Variants in PPP1R13B observed in about 807,000 individuals in gnomAD.
PPP1R13B encodes protein phosphatase 1 regulatory subunit 13B.
A neutral mutation model predicts 119.8 loss-of-function variants in PPP1R13B; 44 were observed. The observed-to-expected ratio is 0.37, with a 90% CI of 0.29 to 0.47. The LOEUF (loss-of-function observed/expected upper bound fraction) is 0.47, where lower values mean the gene tolerates loss of function less well. Ranked by LOEUF, PPP1R13B falls within the 20% of genes least tolerant of loss-of-function variation. PPP1R13B has a pLI of 0.99. For missense variants in PPP1R13B, 1,227 were observed against 1,413.5 expected, an observed-to-expected ratio of 0.87 and a Z score of 2.12; for synonymous variants, 542 against 561.5, an observed-to-expected ratio of 0.97 and a Z score of 0.49.
rs1223555062 is a variant in PPP1R13B at position 103,740,256 on chromosome 14, G to A, written c.2160C>T (p.Pro720=). 4 of 1,604,028 alleles carry A rather than the reference G, an allele frequency of 2.5e-6. No individual in the cohort carries two copies. Among genetic ancestry groups the A allele is most frequent in the Non-Finnish European group, 3.4e-6 (4 of 1,174,390 alleles). Residue 720 remains proline (P), a synonymous_variant, in exon 12 of 17, where the codon CCC becomes CCT. Transcript: ENST00000202556. This position sits in a 1 kb window ranked among gnomAD's most constrained non-coding sequence, Gnocchi z 4.6. ...SITEPEGPGG[P]NIQKLLYQRF... ...GCTGGTACAGCAGCTTCTGGATGTTGGGCCCGCCGGGGCCCTCGGGCTCTG... is the reference window on the plus strand; with the variant it reads ...GCTGGTACAGCAGCTTCTGGATGTTAGGCCCGCCGGGGCCCTCGGGCTCTG...
chr14:103,799,773 C>T (rs1322178033), intron 1 of PPP1R13B, among the ~76,000 whole-genome samples: 4 of 151,996 alleles, frequency 2.6e-5, no homozygotes, highest in Non-Finnish European at 5.9e-5. Context: ...TTAGGCTAGG[C>T]ATGGTGGCTC....
At chr14:103,755,179 C>CA (rs1439664361) in intron 5 of PPP1R13B, among the ~76,000 whole-genome samples, 1 of 152,224 alleles carries the variant, frequency 6.6e-6, no homozygotes, top group Non-Finnish European at 1.5e-5. Context: ...GTCTCCTCTT[C>CA]ACTCTATCAC....
In PPP1R13B at chr14:103,739,057, G is replaced by A. The variant is rs550223443; in HGVS notation, c.2593-34C>T. On this transcript the variant is annotated intron_variant, in intron 12 of 16. Coordinates refer to ENST00000202556, the MANE Select transcript of PPP1R13B (RefSeq NM_015316.3). ...AAGGAAGCACGCTTTCCAGTTAAAG[G>A]TGGTCCACTGAAGTCTAAGAACCCA... 37 of 1,595,498 alleles carry A rather than the reference G, an allele frequency of 2.3e-5. No individual in the cohort carries two copies. In the South Asian group the frequency reaches 3.7e-4, roughly 16 times the overall value.
At chr14:103,786,936 G>A (rs953511694) in intron 2 of PPP1R13B, among the ~76,000 whole-genome samples, 2 of 151,410 alleles carry the variant, frequency 1.3e-5, no homozygotes, top group South Asian at 4.2e-4. Context: ...TCGAACTCCC[G>A]ACCTCAGGTG....
chr14:103,779,214 G>T (rs2085281717), intron 3 of PPP1R13B, among the ~76,000 whole-genome samples: 2 of 152,010 alleles, frequency 1.3e-5, no homozygotes. Flanking sequence ...ACTTGAGTGA[G>T]AGGGGTCGAG....
At chr14:103,739,223 C>A in intron 12 of PPP1R13B, 200 bp from the exon 13 acceptor site, 1 of 634,880 alleles carries the variant, frequency 1.6e-6, no homozygotes. Context: ...CAAGGGAGAG[C>A]CCTGTCTGAG....
chr14:103,758,174 C>T (rs765054723), intron 4 of PPP1R13B, among the ~76,000 whole-genome samples: 1 of 152,094 alleles, frequency 6.6e-6, no homozygotes, highest in East Asian at 1.9e-4. Context: ...AATGAAAATA[C>T]GTAACAGATT....
intron 1 of PPP1R13B, among the ~76,000 whole-genome samples, chr14:103,808,833 T>C (rs1339627616): frequency 6.6e-6 from 1 of 152,162 alleles, no homozygotes; most frequent in Non-Finnish European, 1.5e-5. Flanking sequence ...TTTAACCCTC[T>C]TACGAAGGCA....
rs571993300 is a variant in PPP1R13B at position 103,813,172 on chromosome 14, T to G, written c.10-15654A>C. On this transcript the variant is annotated intron_variant, in intron 1 of 16. Transcript: ENST00000202556. Reference sequence around the variant, plus strand: ...ACCAAGATGTCCTTCAGTAGATGAATGGATAAACAAACTGTGGTACATAAT... The same window carrying G: ...ACCAAGATGTCCTTCAGTAGATGAAGGGATAAACAAACTGTGGTACATAAT... 3.3e-3 allele frequency among the ~76,000 whole-genome samples: 503 copies of G among 152,158 alleles called. 2 individuals carry two copies. The highest frequency in any genetic ancestry group is 0.011 in the African/African-American group (475 of 41,512).
At chr14:103,747,324 G>A (rs907412826) in intron 8 of PPP1R13B, 1 of 152,138 alleles carries the variant, frequency 6.6e-6, no homozygotes, top group African/African-American at 2.4e-5. Flanking sequence ...AGGTACCTAG[G>A]ACCTTTGGGT....
chr14:103,757,268 G>T (rs1475462207), intron 5 of PPP1R13B, among the ~76,000 whole-genome samples: 1 of 151,660 alleles, frequency 6.6e-6, no homozygotes, highest in Non-Finnish European at 1.5e-5. Context: ...TTCCCAGGCT[G>T]GTCCTGAACT....
intron 1 of PPP1R13B, among the ~76,000 whole-genome samples, chr14:103,811,849 G>C (rs1338964418): frequency 6.6e-6 from 1 of 151,774 alleles, no homozygotes; most frequent in Non-Finnish European, 1.5e-5. Context: ...GAGGTCAGGA[G>C]ATCAAGATCA....
Position 103,735,004 on chromosome 14 carries a change from A to G in PPP1R13B, c.*150T>C, listed in dbSNP as rs781145152. On this transcript the variant is annotated 3_prime_UTR_variant, in exon 17 of 17. Transcript: ENST00000202556. ...AAACTGGAGAAAGGGCCTCACCTGGAAACTGTAGGATTCACATTGTGGACG... is the reference window on the plus strand; with the variant it reads ...AAACTGGAGAAAGGGCCTCACCTGGGAACTGTAGGATTCACATTGTGGACG... The G allele has an allele frequency of 1.1e-6, 1 of 891,390 alleles. No individual in the cohort carries two copies. Among genetic ancestry groups the G allele is most frequent in the South Asian group, 1.4e-5 (1 of 70,722 alleles). The allele number at this position is 891,390 out of a possible 1,614,324, so 55.2% of individuals were successfully genotyped here. A position where few individuals can be genotyped will look rare whatever the true frequency, so the allele number is the denominator to read the frequency against.
Position 103,734,990 on chromosome 14 carries a change from AG to A in PPP1R13B, c.*163del. The A allele has an allele frequency of 1.2e-6, 1 of 810,506 alleles. No homozygotes were observed. The highest frequency in any genetic ancestry group is 2.1e-6 in the Non-Finnish European group (1 of 478,014). The allele number at this position is 810,506 out of a possible 1,614,324, so 50.2% of individuals were successfully genotyped here. A position where few individuals can be genotyped will look rare whatever the true frequency, so the allele number is the denominator to read the frequency against. ...CCCAGTTAATGGGCAAACTGGAGAA[AG>A]GGCCTCACCTGGAAACTGTAGGATT... On this transcript the variant is annotated 3_prime_UTR_variant, in exon 17 of 17. Transcript: ENST00000202556.
chr14:103,739,604 G>A (rs1235210632), intron 12 of PPP1R13B, among the ~76,000 whole-genome samples: 1 of 152,196 alleles, frequency 6.6e-6, no homozygotes, highest in African/African-American at 2.4e-5. Flanking sequence ...TCTGGGAAAG[G>A]CTTGGCCACA....
intron 4 of PPP1R13B, among the ~76,000 whole-genome samples, chr14:103,769,290 C>T (rs2085010455): frequency 6.6e-6 from 1 of 151,906 alleles, no homozygotes; most frequent in Non-Finnish European, 1.5e-5. Flanking sequence ...GGGGCTTTAC[C>T]ATGTTGGCCA....
At chr14:103,827,987 T>C (rs984417241) in intron 1 of PPP1R13B, among the ~76,000 whole-genome samples, 5 of 152,184 alleles carry the variant, frequency 3.3e-5, no homozygotes, top group Middle Eastern at 3.2e-3. Context: ...TTTAAGAGTT[T>C]GTTCAATTCC....
intron 1 of PPP1R13B, among the ~76,000 whole-genome samples, chr14:103,811,716 C>A (rs1393875601): frequency 6.6e-6 from 1 of 151,938 alleles, no homozygotes; most frequent in Non-Finnish European, 1.5e-5. Flanking sequence ...GGACTTGTAT[C>A]CTAAATACAC....
At position 103,740,111 on chromosome 14, in the gene PPP1R13B, G is replaced by A. The variant is rs749052756; in HGVS notation, c.2305C>T (p.Leu769=). ...DNGNTNANGN[L]EELPPAQPTA... is the part of the protein sequence containing the mutation. The stretch of plus-strand genomic sequence containing the variant: ...GGCTGGGCAGGGGGGAGCTCTTCCA[G>A]GTTTCCATTGGCATTGGTGTTTCCA... The change falls in exon 12 of 17, where the codon CTG becomes TTG. Residue 769 remains leucine, a synonymous_variant. Transcript: ENST00000202556. This position sits in a 1 kb window ranked among gnomAD's most constrained non-coding sequence, Gnocchi z 4.6. The A allele has an allele frequency of 5.0e-6, 8 of 1,613,604 alleles. No homozygotes were observed. The East Asian group carries it at 6.7e-5, about 13-fold the overall frequency.
Sources: allele counts gnomAD v4.1 joint callset (sites outside exome capture counted in the v4.1 genomes callset), GRCh38; gene constraint gnomAD v4.1.1; non-coding constraint Gnocchi (gnomAD v3.1); transcripts MANE v1.5; gene names NCBI Gene and HGNC (gene_info 2026-07-23, HGNC 2026-07-21).